CUEDC2: variants seen among roughly 807,000 people sequenced by gnomAD.
CUEDC2 encodes CUE domain-containing protein 2.
In CUEDC2, 10 loss-of-function variants were observed where a neutral mutation model predicts 36.0. The ratio of observed to expected loss-of-function variants is 0.28; its 90% CI spans 0.17 to 0.47. The LOEUF (loss-of-function observed/expected upper bound fraction) is 0.47, where lower values mean the gene tolerates loss of function less well. Ranked by LOEUF, CUEDC2 falls within the 20% of genes least tolerant of loss-of-function variation. The probability of loss-of-function intolerance (pLI) is 0.99; values close to 1 mark genes in which losing one functional copy is unlikely to be tolerated. For missense variants in CUEDC2, 269 were observed against 368.1 expected (o/e 0.73, Z 2.20); for synonymous variants, 133 against 141.8 (o/e 0.94, Z 0.44).
intron 1 of CUEDC2, 68 bp from the exon 2 acceptor site, chr10:102,425,266 G>A: frequency 4.3e-6 from 5 of 1,172,530 alleles, no homozygotes; most frequent in Non-Finnish European, 6.4e-6. Context: ...CCTGGGGGCA[G>A]TGGCTCCTCC....
At position 102,423,312 on chromosome 10, in the gene CUEDC2, C is replaced by G; in HGVS notation, c.*114G>C. 7.6e-7 allele frequency: 1 copy of G among 1,322,992 alleles called. No homozygotes were observed. Among genetic ancestry groups the G allele is most frequent in the Non-Finnish European group, 1.1e-6 (1 of 935,322 alleles). The allele number at this position is 1,322,992 out of a possible 1,614,324, so 82.0% of individuals were successfully genotyped here. On this transcript the variant is annotated 3_prime_UTR_variant, in exon 9 of 9. Coordinates refer to ENST00000369937, the MANE Select transcript of CUEDC2 (RefSeq NM_024040.3). The surrounding 1 kb of genome is among the most constrained non-coding windows in gnomAD (Gnocchi z 5.6). ...CCGAGAGTAGGTTAACACTATGGAG[C>G]AAAGGAGTAGAGAAGGGGGACAGGA... is the stretch of plus-strand genomic sequence containing the variant.
At position 102,424,852 on chromosome 10, in the gene CUEDC2, C is replaced by T. The variant is rs1170385564; in HGVS notation, c.75-60G>A. ...ACACTGGATGCCTCCAGCACCCCCA[C>T]CTATCCTGAGACTCCAGCCCTCAGC... On this transcript the variant is annotated intron_variant, in intron 2 of 8. Coordinates refer to ENST00000369937, the MANE Select transcript of CUEDC2 (RefSeq NM_024040.3). The surrounding 1 kb of genome is among the most constrained non-coding windows in gnomAD (Gnocchi z 4.2). 3.8e-6 allele frequency: 6 copies of T among 1,570,552 alleles called. No individual in the cohort carries two copies. Among genetic ancestry groups the T allele is most frequent in the East Asian group, 2.2e-5 (1 of 44,576 alleles).
Position 102,425,210 on chromosome 10 carries a change from C to T in CUEDC2, c.-10-12G>A. 2 of 1,607,516 alleles carry T rather than the reference C, an allele frequency of 1.2e-6. No homozygotes were observed. The highest frequency in any genetic ancestry group is 2.2e-5 in the South Asian group (2 of 90,950). On this transcript the variant is annotated splice_polypyrimidine_tract_variant and intron_variant, in intron 1 of 8. Transcript: ENST00000369937. ...CCATGCTCTCTCTTCTGAAGGGACA[C>T]AGACAGGATGGCCAGGCCTTCTTCT... is the stretch of plus-strand genomic sequence containing the variant.
rs781305727 is a variant in CUEDC2, at chr10:102,424,480, C to T, written c.280+19G>A. 2.5e-6 allele frequency: 4 copies of T among 1,614,052 alleles called. No homozygotes were observed. Among genetic ancestry groups the T allele is most frequent in the Non-Finnish European group, 3.4e-6 (4 of 1,179,980 alleles). ...AGCGGGATTATGAATCACTCAGGTGCCCAGAGCCCCAGACTCACCTTTGTT... is the reference window on the plus strand; with the variant it reads ...AGCGGGATTATGAATCACTCAGGTGTCCAGAGCCCCAGACTCACCTTTGTT... On this transcript the variant is annotated intron_variant, in intron 4 of 8. Coordinates refer to ENST00000369937, the MANE Select transcript of CUEDC2 (RefSeq NM_024040.3). This position sits in a 1 kb window ranked among gnomAD's most constrained non-coding sequence, Gnocchi z 4.2.
rs2061588953 is a variant in CUEDC2 at position 102,424,590 on chromosome 10, CT to C, written c.219-31del. On this transcript the variant is annotated intron_variant, in intron 3 of 8. Coordinates refer to ENST00000369937, the MANE Select transcript of CUEDC2 (RefSeq NM_024040.3). This position sits in a 1 kb window ranked among gnomAD's most constrained non-coding sequence, Gnocchi z 4.2. ...AAAGATGAGGGCAGTGAGAGGATGA[CT>C]CTGCCCACCCCATAATCAGCCAGCC... is the stretch of plus-strand genomic sequence containing the variant. 3 of 1,614,130 alleles carry C rather than the reference CT, an allele frequency of 1.9e-6. No homozygotes were observed. The highest frequency in any genetic ancestry group is 2.5e-6 in the Non-Finnish European group (3 of 1,179,994).
chr10:102,425,321 T>C (rs2061592037), intron 1 of CUEDC2, 123 bp from the exon 2 acceptor site: 2 of 677,834 alleles, frequency 3.0e-6, no homozygotes, highest in Admixed American at 4.3e-5. Context: ...GCCCTCTCTG[T>C]TCCCCCAAGT....
chr10:102,425,671 AG>A (rs1432487428), intron 1 of CUEDC2, among the ~76,000 whole-genome samples: 1 of 151,612 alleles, frequency 6.6e-6, no homozygotes, highest in East Asian at 1.9e-4. Context: ...CTCTGCACAA[AG>A]GGGCTTTTCT....
In CUEDC2 at chr10:102,423,623, A is replaced by G. The variant is rs917992134; in HGVS notation, c.717+34T>C. On this transcript the variant is annotated intron_variant, in intron 8 of 8. Coordinates refer to ENST00000369937, the MANE Select transcript of CUEDC2 (RefSeq NM_024040.3). The surrounding 1 kb of genome is among the most constrained non-coding windows in gnomAD (Gnocchi z 5.6). ...CAGAAGCCAGGAGCCAGTCCCACCC[A>G]TTCCGCATCCCCAGCAACCCTTAAC... The G allele has an allele frequency of 1.9e-6, 3 of 1,614,102 alleles. No homozygotes were observed. The highest frequency in any genetic ancestry group is 4.5e-5 in the East Asian group (2 of 44,884).
intron 1 of CUEDC2, among the ~76,000 whole-genome samples, chr10:102,427,750 C>CA (rs1207182324): frequency 1.3e-5 from 2 of 152,006 alleles, no homozygotes; most frequent in Non-Finnish European, 2.9e-5. Flanking sequence ...GTGATCTTTA[C>CA]AAAAAAATCA....
intron 1 of CUEDC2, among the ~76,000 whole-genome samples, chr10:102,427,267 G>A (rs1281189709): frequency 1.3e-5 from 2 of 151,942 alleles, no homozygotes; most frequent in Non-Finnish European, 2.9e-5. Context: ...CCTTCTCACT[G>A]CAGCGCTCTC....
In CUEDC2 at chr10:102,423,950, G is replaced by A. The variant is rs774870538; in HGVS notation, c.594+46C>T. On this transcript the variant is annotated intron_variant, in intron 6 of 8. Coordinates refer to ENST00000369937, the MANE Select transcript of CUEDC2 (RefSeq NM_024040.3). This position sits in a 1 kb window ranked among gnomAD's most constrained non-coding sequence, Gnocchi z 5.6. Reference sequence around the variant, plus strand: ...AGGGGTTGGGGCTTAACACCAAGGTGGAATGTAGCTGAGGCTACATGGTAG... The same window carrying A: ...AGGGGTTGGGGCTTAACACCAAGGTAGAATGTAGCTGAGGCTACATGGTAG... 5 of 1,604,868 alleles carry A rather than the reference G, an allele frequency of 3.1e-6. No individual in the cohort carries two copies. The Admixed American group carries it at 5.1e-5, about 16-fold the overall frequency.
At chr10:102,430,748 G>C (rs1025012334) in intron 1 of CUEDC2, among the ~76,000 whole-genome samples, 2 of 152,246 alleles carry the variant, frequency 1.3e-5, no homozygotes, top group Admixed American at 6.5e-5. Flanking sequence ...CTGCTCAGGG[G>C]CTCCTAATAC....
intron 1 of CUEDC2, among the ~76,000 whole-genome samples, chr10:102,429,182 A>T (rs2061608130): frequency 6.6e-6 from 1 of 152,172 alleles, no homozygotes; most frequent in Non-Finnish European, 1.5e-5. Flanking sequence ...CACCTTTCAC[A>T]GCCATAATTA....
chr10:102,424,782 C>T lies in CUEDC2; in HGVS notation c.85G>A (p.Glu29Lys), dbSNP rs1403337970. 1 of 1,613,212 alleles carries T rather than the reference C, an allele frequency of 6.2e-7. No individual in the cohort carries two copies. Among genetic ancestry groups the T allele is most frequent in the Admixed American group, 1.7e-5 (1 of 59,946 alleles). ...LPEADLSGLDEVIFSYVLGVL... is the reference protein window; with the variant it reads ...LPEADLSGLDKVIFSYVLGVL... ...CCAAGCACATAGGAGAAGATGACCT[C>T]ATCCAAGCCACTGCAGGAAGGGAAC... The change falls in exon 3 of 9, where the codon GAG becomes AAG. Residue 29 changes from glutamate (E) to lysine (K), a missense_variant. Coordinates refer to ENST00000369937, the MANE Select transcript of CUEDC2 (RefSeq NM_024040.3). This position sits in a 1 kb window ranked among gnomAD's most constrained non-coding sequence, Gnocchi z 4.2.
At chr10:102,427,697 C>T (rs1407126549) in intron 1 of CUEDC2, among the ~76,000 whole-genome samples, 1 of 152,158 alleles carries the variant, frequency 6.6e-6, no homozygotes. Context: ...CTTCTCCCCA[C>T]TCCATCTTCC....
intron 1 of CUEDC2, among the ~76,000 whole-genome samples, chr10:102,429,723 C>T (rs1202999007): frequency 6.7e-6 from 1 of 150,198 alleles, no homozygotes; most frequent in Admixed American, 6.7e-5. Context: ...CTACCTCGAC[C>T]CTGGGTTACA....
rs763019139 is a variant in CUEDC2, at chr10:102,423,947, G to C, written c.594+49C>G. 8.1e-6 allele frequency: 13 copies of C among 1,604,950 alleles called. No individual in the cohort carries two copies. The highest frequency in any genetic ancestry group is 1.1e-5 in the Non-Finnish European group (13 of 1,175,346). On this transcript the variant is annotated intron_variant, in intron 6 of 8. Transcript: ENST00000369937. This position sits in a 1 kb window ranked among gnomAD's most constrained non-coding sequence, Gnocchi z 5.6. The stretch of plus-strand genomic sequence containing the variant: ...GGTAGGGGTTGGGGCTTAACACCAA[G>C]GTGGAATGTAGCTGAGGCTACATGG...
rs778175495 is a variant in CUEDC2, at chr10:102,423,545, C to T, written c.745G>A (p.Asp249Asn). Reference protein sequence around the residue: ...EAPKKLIRYIDNQVVSTKGER... With the variant: ...EAPKKLIRYINNQVVSTKGER... Reference sequence around the variant, plus strand: ...CCTTTGGTGCTCACTACCTGGTTGTCGATGTATCGGATCAGCTTCTTGGGG... The same window carrying T: ...CCTTTGGTGCTCACTACCTGGTTGTTGATGTATCGGATCAGCTTCTTGGGG... The change falls in exon 9 of 9, where the codon GAC becomes AAC. Residue 249 changes from aspartate to asparagine, a missense_variant. By Grantham distance (23) the Asp-to-Asn change is conservative. Transcript: ENST00000369937. The surrounding 1 kb of genome is among the most constrained non-coding windows in gnomAD (Gnocchi z 5.6). 5 of 1,614,158 alleles carry T rather than the reference C, an allele frequency of 3.1e-6. No individual in the cohort carries two copies. The East Asian group carries it at 6.7e-5, about 22-fold the overall frequency.
Position 102,423,359 on chromosome 10 carries a change from G to T in CUEDC2, c.*67C>A. 1 of 1,598,810 alleles carries T rather than the reference G, an allele frequency of 6.3e-7. No individual in the cohort carries two copies. The highest frequency in any genetic ancestry group is 1.3e-5 in the African/African-American group (1 of 74,690). The stretch of plus-strand genomic sequence containing the variant: ...AGGAGTTAGGGGGCCCCTGTGTAGG[G>T]GTATAGGGCTCCTGCATCCCTCTGG... On this transcript the variant is annotated 3_prime_UTR_variant, in exon 9 of 9. Coordinates refer to ENST00000369937, the MANE Select transcript of CUEDC2 (RefSeq NM_024040.3). The surrounding 1 kb of genome is among the most constrained non-coding windows in gnomAD (Gnocchi z 5.6).
Sources: gnomAD v4.1 joint callset for allele counts (sites outside exome capture counted in the v4.1 genomes callset) on GRCh38, gnomAD v4.1.1 for gene constraint, Gnocchi (gnomAD v3.1) non-coding constraint, MANE v1.5 for transcripts, NCBI Gene and HGNC (gene_info 2026-07-23, HGNC 2026-07-21) for gene names.